The following CCSER1 variants were observed in gnomAD, a reference collection of about 807,000 sequenced individuals.
The protein encoded by CCSER1 is coiled-coil serine rich protein 1.
In CCSER1, 41 loss-of-function variants were observed where a neutral mutation model predicts 82.0. The ratio of observed to expected loss-of-function variants is 0.50; its 90% CI spans 0.39 to 0.65. CCSER1 has a LOEUF of 0.65. Among genes scored for constraint, CCSER1 ranks in the 30% least tolerant of loss-of-function variants. CCSER1 has a pLI of 0.00. For synonymous variants in CCSER1, 414 were observed against 383.9 expected (o/e 1.08, Z -0.92); for missense variants, 1,119 against 1,064.2 (o/e 1.05, Z -0.72).
chr4:90,248,363 C>T (rs1246767896), intron 1 of CCSER1, among the ~76,000 whole-genome samples: 1 of 152,196 alleles, frequency 6.6e-6, no homozygotes, highest in African/African-American at 2.4e-5. Flanking sequence ...CATGCATTAG[C>T]AGGTTCTTAA....
At chr4:91,307,954 A>T (rs1164690076) in intron 10 of CCSER1, among the ~76,000 whole-genome samples, 1 of 125,714 alleles carries the variant, frequency 8.0e-6, no homozygotes, top group Non-Finnish European at 1.7e-5. Context: ...TTTCCTCATG[A>T]TCTGAGAGCT....
chr4:91,413,212 G>A (rs1312354047), intron 10 of CCSER1, among the ~76,000 whole-genome samples: 1 of 152,110 alleles, frequency 6.6e-6, no homozygotes, highest in African/African-American at 2.4e-5. Flanking sequence ...GGAGACATAG[G>A]CATGAAGATA....
chr4:91,102,785 C>T (rs1158128961), intron 10 of CCSER1, among the ~76,000 whole-genome samples: 3 of 152,116 alleles, frequency 2.0e-5, no homozygotes, highest in African/African-American at 7.2e-5. Context: ...AAAGAAAATA[C>T]TACTCCAGAT....
At chr4:90,837,481 T>G (rs2149849769) in intron 8 of CCSER1, among the ~76,000 whole-genome samples, 1 of 152,322 alleles carries the variant, frequency 6.6e-6, no homozygotes, top group Admixed American at 6.5e-5. Context: ...AACCTATTTC[T>G]TTATCTGTAA....
intron 5 of CCSER1, among the ~76,000 whole-genome samples, chr4:90,483,174 A>G (rs1033199475): frequency 2.0e-5 from 3 of 152,078 alleles, no homozygotes; most frequent in African/African-American, 7.2e-5. Flanking sequence ...AGTCTGTTTT[A>G]TCCGAGACTA....
chr4:91,245,393 C>T (rs1739688897), intron 10 of CCSER1, among the ~76,000 whole-genome samples: 1 of 152,080 alleles, frequency 6.6e-6, no homozygotes. Context: ...ATACTAAAAA[C>T]AGCAAGAGAA....
intron 7 of CCSER1, among the ~76,000 whole-genome samples, chr4:90,782,925 C>G (rs72663610): frequency 0.058 from 8,682 of 149,126 alleles, 362 homozygotes; most frequent in Admixed American, 0.11. Flanking sequence ...CGAGATCCCC[C>G]CTCCTCGGCC....
chr4:90,393,872 G>C (rs550283421), intron 3 of CCSER1, among the ~76,000 whole-genome samples: 106 of 145,236 alleles, frequency 7.3e-4, no homozygotes, highest in Non-Finnish European at 1.4e-3. Flanking sequence ...TCCAAGTCCT[G>C]GGCTCAAGCA....
intron 10 of CCSER1, among the ~76,000 whole-genome samples, chr4:91,279,596 C>CT (rs1480997339): frequency 3.3e-5 from 5 of 151,874 alleles, no homozygotes; most frequent in Non-Finnish European, 5.9e-5. Context: ...CTATTTGGTT[C>CT]TTTTTTGTGA....
At position 91,309,630 on chromosome 4, in the gene CCSER1, A is replaced by G. The variant is rs1289026251; in HGVS notation, c.2217+223636A>G. Among the ~76,000 whole-genome samples the G allele has an allele frequency of 2.0e-5, 3 of 152,062 alleles. No individual in the cohort carries two copies. The East Asian group carries it at 5.8e-4, about 29-fold the overall frequency. On this transcript the variant is annotated intron_variant, in intron 10 of 10. Coordinates refer to ENST00000509176, the MANE Select transcript of CCSER1 (RefSeq NM_001145065.2). ...GTTACATGTTATAGAGCAATACTAC[A>G]TAAAAGGCTTGCAGCTCTTGTACTC... is the stretch of plus-strand genomic sequence containing the variant.
At chr4:90,526,773 G>C (rs978360841) in intron 5 of CCSER1, among the ~76,000 whole-genome samples, 12 of 152,178 alleles carry the variant, frequency 7.9e-5, no homozygotes, top group African/African-American at 2.9e-4. Context: ...GTCTATCACT[G>C]ATGGGCATTT....
chr4:91,042,778 CA>C (rs1416756860), intron 9 of CCSER1, among the ~76,000 whole-genome samples: 3 of 151,840 alleles, frequency 2.0e-5, no homozygotes, highest in Non-Finnish European at 4.4e-5. Context: ...TAACACATTA[CA>C]GGGGGGAAAA....
At chr4:90,483,508 T>G (rs974030027) in intron 5 of CCSER1, among the ~76,000 whole-genome samples, 1 of 152,220 alleles carries the variant, frequency 6.6e-6, no homozygotes, top group Non-Finnish European at 1.5e-5. Flanking sequence ...CAGTGGCTGG[T>G]ACCGGTTGTT....
chr4:90,329,201 T>C (rs1423846057), intron 3 of CCSER1, among the ~76,000 whole-genome samples: 2 of 152,174 alleles, frequency 1.3e-5, no homozygotes, highest in African/African-American at 4.8e-5. Context: ...TGTGATTTTA[T>C]TTTAATCAAG....
At chr4:91,557,914 A>G (rs938438494) in intron 10 of CCSER1, among the ~76,000 whole-genome samples, 3 of 151,366 alleles carry the variant, frequency 2.0e-5, no homozygotes, top group East Asian at 1.9e-4. Flanking sequence ...AAGCATTTAC[A>G]TATTTATTTA....
chr4:91,157,565 A>G (rs539910848), intron 10 of CCSER1, among the ~76,000 whole-genome samples: 1 of 152,114 alleles, frequency 6.6e-6, no homozygotes, highest in South Asian at 2.1e-4. Context: ...CTGTCTGAAC[A>G]TCAAATACAA....
At chr4:90,684,959 C>T (rs1734543678) in intron 6 of CCSER1, among the ~76,000 whole-genome samples, 1 of 152,088 alleles carries the variant, frequency 6.6e-6, no homozygotes, top group African/African-American at 2.4e-5. Flanking sequence ...TCCATTAATC[C>T]CTTTTTCCTG....
intron 1 of CCSER1, among the ~76,000 whole-genome samples, chr4:90,210,073 G>C (rs563374748): frequency 6.6e-6 from 1 of 152,002 alleles, no homozygotes; most frequent in South Asian, 2.1e-4. Context: ...CTAACTGGAG[G>C]AATCTCTTTT....
intron 3 of CCSER1, among the ~76,000 whole-genome samples, chr4:90,350,292 A>T (rs1743196693): frequency 6.6e-6 from 1 of 152,128 alleles, no homozygotes; most frequent in Non-Finnish European, 1.5e-5. Flanking sequence ...TGCGAGTGTT[A>T]TAAGAGAATC....
Sources: gnomAD v4.1 joint callset for allele counts (sites outside exome capture counted in the v4.1 genomes callset) on GRCh38, gnomAD v4.1.1 for gene constraint, MANE v1.5 for transcripts, NCBI Gene and HGNC (gene_info 2026-07-23, HGNC 2026-07-21) for gene names.